Variants in UBE2Q1 observed in about 807,000 individuals in gnomAD.
UBE2Q1 encodes the protein ubiquitin-conjugating enzyme E2 Q1.
Under a neutral mutation model 60.1 loss-of-function variants are expected in UBE2Q1, and 6 were observed. That is an observed-to-expected ratio of 0.10 (90% CI 0.05 to 0.20). The LOEUF (loss-of-function observed/expected upper bound fraction) is 0.20, where lower values mean the gene tolerates loss of function less well. Among genes scored for constraint, UBE2Q1 ranks in the 10% least tolerant of loss-of-function variants. The pLI, the probability that UBE2Q1 is intolerant of heterozygous loss-of-function variation, is 1.00. For synonymous variants in UBE2Q1, 226 were observed against 208.3 expected, an observed-to-expected ratio of 1.09 and a Z score of -0.73; for missense variants, 262 against 525.8, an observed-to-expected ratio of 0.50 and a Z score of 4.91.
chr1:154,557,187 C>T (rs1442911162), intron 1 of UBE2Q1, among the ~76,000 whole-genome samples: 5 of 152,228 alleles, frequency 3.3e-5, no homozygotes, highest in Admixed American at 6.5e-5. Flanking sequence ...AAGTTGAATT[C>T]AGGCCCCCAA....
chr1:154,553,311 C>G (rs550178404), intron 4 of UBE2Q1, 139 bp from the exon 5 acceptor site: 1 of 1,106,610 alleles, frequency 9.0e-7, no homozygotes, highest in Non-Finnish European at 1.3e-6. Context: ...GTCTTATAAA[C>G]GCAACGTGCT....
Position 154,555,475 on chromosome 1 carries a change from G to A in UBE2Q1, c.490C>T (p.Gln164Ter). Residue 164 changes from glutamine to a stop codon, truncating the protein, a stop_gained, in exon 3 of 13, where the codon CAG becomes TAG. Coordinates refer to ENST00000292211, the MANE Select transcript of UBE2Q1 (RefSeq NM_017582.7). LOFTEE classifies it high-confidence loss of function. Reference protein sequence around the residue: ...SDLCKLYNLPQHPDVEMLDQP... With the variant: ...SDLCKLYNLP ...TCCAGCATCTCCACATCTGGATGCT[G>A]AGGGAGGTTATAGAGTTTACACAGG... is the stretch of plus-strand genomic sequence containing the variant. 1 of 1,614,160 alleles carries A rather than the reference G, an allele frequency of 6.2e-7. No individual in the cohort carries two copies. The highest frequency in any genetic ancestry group is 8.5e-7 in the Non-Finnish European group (1 of 1,180,036).
At chr1:154,554,930 T>C in intron 3 of UBE2Q1, 145 bp from the exon 4 acceptor site, 2 of 743,328 alleles carry the variant, frequency 2.7e-6, no homozygotes, top group Non-Finnish European at 4.3e-6. Context: ...CAGATCTGAG[T>C]GGAAGCAACA....
intron 11 of UBE2Q1, 33 bp from the exon 12 acceptor site, chr1:154,551,037 G>C: frequency 6.2e-7 from 1 of 1,612,928 alleles, no homozygotes; most frequent in Non-Finnish European, 8.5e-7. Context: ...TCAGGCCATG[G>C]CTAGCTGTGG....
chr1:154,550,666 G>A, intron 12 of UBE2Q1, 197 bp from the exon 13 acceptor site: 3 of 985,392 alleles, frequency 3.0e-6, no homozygotes, highest in Non-Finnish European at 3.6e-6. Context: ...CCCAACCTGA[G>A]ATGATGGGAG....
rs1380229393 is a variant in UBE2Q1, at chr1:154,558,542, C to T, written c.12G>A (p.Pro4=). The stretch of plus-strand genomic sequence containing the variant: ...CCGGCTGCTGCTGCCCCTGCGGCTG[C>T]GGCTGCTGCATCCTCCGCTCCGCTC... MQQ[P]QPQGQQQPGP... is the part of the protein sequence containing the mutation. Residue 4 remains proline, a synonymous_variant, in exon 1 of 13, where the codon CCG becomes CCA. Coordinates refer to ENST00000292211, the MANE Select transcript of UBE2Q1 (RefSeq NM_017582.7). 1.9e-5 allele frequency: 20 copies of T among 1,078,940 alleles called. No homozygotes were observed. The highest frequency in any genetic ancestry group is 2.2e-5 in the Non-Finnish European group (20 of 897,896). The allele number at this position is 1,078,940 out of a possible 1,614,324, so 66.8% of individuals were successfully genotyped here. A position where few individuals can be genotyped will look rare whatever the true frequency, so the allele number is the denominator to read the frequency against.
At chr1:154,556,107 G>A in intron 1 of UBE2Q1, 143 bp from the exon 2 acceptor site, 1 of 625,534 alleles carries the variant, frequency 1.6e-6, no homozygotes, top group South Asian at 1.9e-5. Flanking sequence ...CCCAACTTAG[G>A]TCAGCATCTA....
In UBE2Q1 at chr1:154,549,663, G is replaced by GA. The variant is rs1695758950; in HGVS notation, c.*774dup. On this transcript the variant is annotated 3_prime_UTR_variant, in exon 13 of 13. Transcript: ENST00000292211. ...CTTGAGCCTCATTTTCTTTTTCTTA[G>GA]AAATTTGAAAACATCTGTGACTAGA... 2 of 152,612 alleles carry GA rather than the reference G, an allele frequency of 1.3e-5. No individual in the cohort carries two copies. The highest frequency in any genetic ancestry group is 6.5e-5 in the Admixed American group (1 of 15,270). 9.5% of individuals were successfully genotyped at this position (152,612 alleles called of 1,614,324 possible). A position where few individuals can be genotyped will look rare whatever the true frequency, so the allele number is the denominator to read the frequency against.
At chr1:154,558,200 C>G (rs955656293) in intron 1 of UBE2Q1, 27 bp downstream of exon 1, 2 of 1,500,218 alleles carry the variant, frequency 1.3e-6, no homozygotes, top group Non-Finnish European at 1.8e-6. Context: ...GGGGCCCCCA[C>G]AGAGGCGCAC....
At chr1:154,556,835 C>A (rs1695897789) in intron 1 of UBE2Q1, among the ~76,000 whole-genome samples, 1 of 152,194 alleles carries the variant, frequency 6.6e-6, no homozygotes, top group Admixed American at 6.5e-5. Context: ...TAGGGGCAAA[C>A]CTACCCTTAA....
Position 154,552,840 on chromosome 1 carries a change from G to T in UBE2Q1, c.730-20C>A, listed in dbSNP as rs776677997. 2.5e-6 allele frequency: 4 copies of T among 1,613,162 alleles called. No homozygotes were observed. Among genetic ancestry groups the T allele is most frequent in the Non-Finnish European group, 3.4e-6 (4 of 1,179,662 alleles). Reference sequence around the variant, plus strand: ...TGCACCCTGTGAGGGACGGATGACAGGAACATTCCTTGGTCGTGTGGTTTA... The same window carrying T: ...TGCACCCTGTGAGGGACGGATGACATGAACATTCCTTGGTCGTGTGGTTTA... On this transcript the variant is annotated intron_variant, in intron 5 of 12. Transcript: ENST00000292211.
At chr1:154,557,601 G>A (rs1420547343) in intron 1 of UBE2Q1, among the ~76,000 whole-genome samples, 2 of 152,310 alleles carry the variant, frequency 1.3e-5, no homozygotes, top group East Asian at 1.9e-4. Flanking sequence ...GGGAGTGGCA[G>A]AACTGCTACC....
At chr1:154,551,610 C>A in intron 10 of UBE2Q1, 118 bp from the exon 11 acceptor site, 1 of 1,429,448 alleles carries the variant, frequency 7.0e-7, no homozygotes, top group Non-Finnish European at 9.8e-7. Context: ...TTGCCCCCAG[C>A]ACTGCCACCA....
At position 154,551,522 on chromosome 1, in the gene UBE2Q1, G is replaced by A. The variant is rs775213389; in HGVS notation, c.1075-30C>T. The A allele has an allele frequency of 1.3e-5, 21 of 1,606,768 alleles. No individual in the cohort carries two copies. The East Asian group carries it at 2.0e-4, about 15-fold the overall frequency. ...GTGAAGGGAAGGACAAGGCAAGCAG[G>A]TCCAGATGGAGCTTCCAGAGAACCC... On this transcript the variant is annotated intron_variant, in intron 10 of 12. Transcript: ENST00000292211.
At chr1:154,554,926 T>C (rs1039872815) in intron 3 of UBE2Q1, 141 bp from the exon 4 acceptor site, 6 of 783,490 alleles carry the variant, frequency 7.7e-6, no homozygotes, top group Non-Finnish European at 1.0e-5. Flanking sequence ...CAGCCAGATC[T>C]GAGTGGAAGC....
chr1:154,554,305 G>A (rs1395373276), intron 4 of UBE2Q1, among the ~76,000 whole-genome samples: 12 of 151,874 alleles, frequency 7.9e-5, no homozygotes. Context: ...ATATCAGATA[G>A]ATTGTTTAGC....
At chr1:154,553,887 G>A (rs961141574) in intron 4 of UBE2Q1, among the ~76,000 whole-genome samples, 2 of 152,214 alleles carry the variant, frequency 1.3e-5, no homozygotes, top group Admixed American at 1.3e-4. Context: ...CACTATCTGG[G>A]AGGAGTAAAT....
chr1:154,556,923 T>G (rs958997584), intron 1 of UBE2Q1, among the ~76,000 whole-genome samples: 1 of 152,228 alleles, frequency 6.6e-6, no homozygotes, highest in Admixed American at 6.5e-5. Context: ...CCACCTCTAC[T>G]GGGTATCTTA....
In UBE2Q1 at chr1:154,549,932, G is replaced by A. The variant is rs1284143733; in HGVS notation, c.*506C>T. ...CTCCCCACCTCCCAAGTAGTTCAGG[G>A]GATGGGGTGGGATGTGCGAATAAAA... On this transcript the variant is annotated 3_prime_UTR_variant, in exon 13 of 13. Coordinates refer to ENST00000292211, the MANE Select transcript of UBE2Q1 (RefSeq NM_017582.7). 6.5e-6 allele frequency: 1 copy of A among 152,832 alleles called. No individual in the cohort carries two copies. The highest frequency in any genetic ancestry group is 1.5e-5 in the Non-Finnish European group (1 of 68,332). 9.5% of individuals were successfully genotyped at this position (152,832 alleles called of 1,614,324 possible).
Sources: gnomAD v4.1 joint callset for allele counts (sites outside exome capture counted in the v4.1 genomes callset) on GRCh38, gnomAD v4.1.1 for gene constraint, MANE v1.5 for transcripts, NCBI Gene and HGNC (gene_info 2026-07-23, HGNC 2026-07-21) for gene names.